Variants in SEMA5A observed in about 807,000 individuals in gnomAD.
SEMA5A encodes the protein semaphorin 5A, also known as semaphorin-5A.
SEMA5A carries 55 observed loss-of-function variants against 135.5 expected under a neutral mutation model. That is an observed-to-expected ratio of 0.41 (90% CI 0.33 to 0.51). The LOEUF (loss-of-function observed/expected upper bound fraction) is 0.51. Among genes scored for constraint, SEMA5A ranks in the 20% least tolerant of loss-of-function variants. SEMA5A has a pLI of 0.37. For synonymous variants in SEMA5A, 580 were observed against 546.5 expected, an observed-to-expected ratio of 1.06 and a Z score of -0.85; for missense variants, 1,290 against 1,419.9, an observed-to-expected ratio of 0.91 and a Z score of 1.47.
At chr5:9,060,212 A>G (rs1156680586) in intron 18 of SEMA5A, among the ~76,000 whole-genome samples, 1 of 152,218 alleles carries the variant, frequency 6.6e-6, no homozygotes, top group African/African-American at 2.4e-5. Flanking sequence ...TAAAACGAAA[A>G]TGAGGACAGG....
intron 18 of SEMA5A, among the ~76,000 whole-genome samples, chr5:9,060,771 T>C (rs2150062373): frequency 6.6e-6 from 1 of 152,288 alleles, no homozygotes; most frequent in East Asian, 1.9e-4. Flanking sequence ...TTCAGTTTTA[T>C]ATACATGTTT....
At chr5:9,239,689 A>G (rs1018653471) in intron 5 of SEMA5A, among the ~76,000 whole-genome samples, 1 of 152,068 alleles carries the variant, frequency 6.6e-6, no homozygotes, top group East Asian at 1.9e-4. Context: ...AGTAAAACTC[A>G]TTATAACTTT....
intron 22 of SEMA5A, chr5:9,043,242 C>T (rs1164940912): frequency 2.4e-6 from 1 of 412,128 alleles, no homozygotes; most frequent in African/African-American, 2.0e-5. Flanking sequence ...GTTAAGTTTT[C>T]AACTTTAGTT....
At chr5:9,528,418 C>T (rs1045201326) in intron 1 of SEMA5A, among the ~76,000 whole-genome samples, 9 of 152,298 alleles carry the variant, frequency 5.9e-5, no homozygotes, top group Admixed American at 1.3e-4. Context: ...TCCATTATGG[C>T]CTCAGCACAG....
chr5:9,316,156 A>C (rs1752380856), intron 5 of SEMA5A, among the ~76,000 whole-genome samples: 1 of 152,134 alleles, frequency 6.6e-6, no homozygotes, highest in African/African-American at 2.4e-5. Flanking sequence ...TTGACAATCA[A>C]ATTGCCCCAG....
chr5:9,094,517 G>A (rs531428235), intron 16 of SEMA5A, among the ~76,000 whole-genome samples: 1 of 152,226 alleles, frequency 6.6e-6, no homozygotes, highest in African/African-American at 2.4e-5. Flanking sequence ...CCCAGCAAAT[G>A]TCAGAGGCTC....
intron 1 of SEMA5A, chr5:9,518,099 G>A (rs1288443362): frequency 1.3e-5 from 2 of 152,020 alleles, no homozygotes; most frequent in African/African-American, 2.4e-5. Context: ...AAAAATTAAC[G>A]ATGAAAAAAT....
chr5:9,070,310 G>T (rs1249635388), intron 16 of SEMA5A, among the ~76,000 whole-genome samples: 1 of 152,170 alleles, frequency 6.6e-6, no homozygotes, highest in Non-Finnish European at 1.5e-5. Context: ...GGCGGAGGTT[G>T]CAGTGAGCCG....
chr5:9,513,364 T>G (rs192560015), intron 1 of SEMA5A, among the ~76,000 whole-genome samples: 36 of 152,214 alleles, frequency 2.4e-4, no homozygotes, highest in African/African-American at 8.2e-4. Flanking sequence ...CTAGATTCCA[T>G]CAAATTTCTT....
chr5:9,255,708 T>A (rs40712), intron 5 of SEMA5A, among the ~76,000 whole-genome samples: 86,432 of 151,816 alleles, frequency 0.57, 24,660 homozygotes, highest in East Asian at 0.72. Flanking sequence ...TTTCCACTCT[T>A]CCTTCCTCCT....
At chr5:9,109,329 C>T (rs577986321) in intron 15 of SEMA5A, among the ~76,000 whole-genome samples, 5 of 152,166 alleles carry the variant, frequency 3.3e-5, no homozygotes, top group African/African-American at 9.6e-5. Flanking sequence ...CGTGAGCCAC[C>T]GCGCCCAGCC....
At position 9,082,359 on chromosome 5, in the gene SEMA5A, G is replaced by A. The variant is rs367709063; in HGVS notation, c.2074-15713C>T. Among the ~76,000 whole-genome samples the A allele has an allele frequency of 1.7e-3, 261 of 152,268 alleles. 1 individual carries two copies. The highest frequency in any genetic ancestry group is 6.0e-3 in the African/African-American group (249 of 41,564). On this transcript the variant is annotated intron_variant, in intron 16 of 22. Coordinates refer to ENST00000382496, the MANE Select transcript of SEMA5A (RefSeq NM_003966.3). ...TAAAATATCCACCTCCTTTAACACT[G>A]TTGGTAGGTAACTGAGTTTCCAGTG...
intron 13 of SEMA5A, among the ~76,000 whole-genome samples, chr5:9,130,681 C>T (rs1048461497): frequency 1.3e-5 from 2 of 152,178 alleles, no homozygotes; most frequent in African/African-American, 4.8e-5. Context: ...TCCAGACATA[C>T]AAGTAAACCT....
intron 5 of SEMA5A, among the ~76,000 whole-genome samples, chr5:9,263,239 CA>C (rs1749500084): frequency 6.6e-6 from 1 of 152,164 alleles, no homozygotes; most frequent in South Asian, 2.1e-4. Flanking sequence ...TCATCTAAGT[CA>C]GGGGTCCCCA....
chr5:9,526,143 G>A (rs1054597547), intron 1 of SEMA5A, among the ~76,000 whole-genome samples: 4 of 152,162 alleles, frequency 2.6e-5, no homozygotes, highest in Non-Finnish European at 4.4e-5. Context: ...ATTGTACATC[G>A]AGCTGCAAAG....
intron 1 of SEMA5A, among the ~76,000 whole-genome samples, chr5:9,543,022 C>A (rs460234): frequency 6.6e-6 from 1 of 152,068 alleles, no homozygotes; most frequent in Non-Finnish European, 1.5e-5. Flanking sequence ...AATAAAATCA[C>A]TTGAAACTCT....
At chr5:9,341,685 T>C (rs868414923) in intron 3 of SEMA5A, among the ~76,000 whole-genome samples, 1 of 147,778 alleles carries the variant, frequency 6.8e-6, no homozygotes, top group Non-Finnish European at 1.5e-5. Flanking sequence ...TATATATATA[T>C]AAAATTGGAA....
chr5:9,207,896 GATACATAGATAGATAGATA>G (rs1419652996), intron 8 of SEMA5A, among the ~76,000 whole-genome samples: 1,436 of 25,282 alleles, frequency 0.057, 11 homozygotes, highest in African/African-American at 0.12. Context: ...TAGATAGATA[GATACATAGATAGATAGATA>G]ATAGATAGAT....
chr5:9,104,409 T>G (rs1739794500), intron 16 of SEMA5A, among the ~76,000 whole-genome samples: 1 of 152,202 alleles, frequency 6.6e-6, no homozygotes, highest in African/African-American at 2.4e-5. Context: ...ATTTCAATAT[T>G]TAATTTGACA....
Sources: allele counts gnomAD v4.1 joint callset (sites outside exome capture counted in the v4.1 genomes callset), GRCh38; gene constraint gnomAD v4.1.1; transcripts MANE v1.5; gene names NCBI Gene and HGNC (gene_info 2026-07-23, HGNC 2026-07-21).